OR1B1: variants seen among roughly 807,000 people sequenced by gnomAD.
The protein encoded by OR1B1 is olfactory receptor family 1 subfamily B member 1.
For missense variants in OR1B1, 414 were observed against 402.1 expected, an observed-to-expected ratio of 1.03 and a Z score of -0.25; for synonymous variants, 168 against 156.2, an observed-to-expected ratio of 1.08 and a Z score of -0.57.
At chr9:122,635,900 T>TATC in the OR1B1 span, among the ~76,000 whole-genome samples, 9 of 152,316 alleles carry the variant, frequency 5.9e-5, no homozygotes, top group Admixed American at 1.3e-4. Context: ...ACAAAAGATT[T>TATC]ATCAGCAACA....
chr9:122,637,216 T>C, the OR1B1 span: 2 of 152,196 alleles, frequency 1.3e-5, no homozygotes, highest in Non-Finnish European at 2.9e-5. Context: ...CAGTGTTGAT[T>C]TGAAGAAGGG....
At chr9:122,644,541 C>G in the OR1B1 span, among the ~76,000 whole-genome samples, 1 of 152,190 alleles carries the variant, frequency 6.6e-6, no homozygotes, top group Non-Finnish European at 1.5e-5. Flanking sequence ...ACTTGTCACC[C>G]TGAAGGGAAG....
upstream of OR1B1, among the ~76,000 whole-genome samples, chr9:122,630,069 A>G (rs1172422477): frequency 1.3e-5 from 2 of 152,218 alleles, no homozygotes; most frequent in African/African-American, 4.8e-5. Flanking sequence ...GGTCTGGAAC[A>G]AGACAAGGAT....
upstream of OR1B1, among the ~76,000 whole-genome samples, chr9:122,633,564 T>A (rs150155108): frequency 6.6e-6 from 1 of 152,174 alleles, no homozygotes; most frequent in African/African-American, 2.4e-5. Flanking sequence ...GATAAGGGGT[T>A]AATATTCAAA....
At chr9:122,646,276 G>GA in the OR1B1 span, among the ~76,000 whole-genome samples, 2 of 151,294 alleles carry the variant, frequency 1.3e-5, no homozygotes, top group African/African-American at 2.4e-5. Flanking sequence ...AAGAAGGAAG[G>GA]AAAAAAAGAA....
At chr9:122,638,830 T>C in the OR1B1 span, among the ~76,000 whole-genome samples, 1 of 152,152 alleles carries the variant, frequency 6.6e-6, no homozygotes, top group South Asian at 2.1e-4. Context: ...TTGTGCTGAT[T>C]GAAGGGATCT....
At chr9:122,647,697 T>G in the OR1B1 span, among the ~76,000 whole-genome samples, 1 of 152,226 alleles carries the variant, frequency 6.6e-6, no homozygotes, top group Admixed American at 6.5e-5. Context: ...TTTCAGCTGT[T>G]GCTACGATGC....
At chr9:122,631,825 G>T (rs897538284), upstream of OR1B1, among the ~76,000 whole-genome samples, 2 of 152,040 alleles carry the variant, frequency 1.3e-5, no homozygotes, top group Non-Finnish European at 2.9e-5. Context: ...ACCCACACAG[G>T]GTATGTGAGA....
chr9:122,645,185 C>G, the OR1B1 span, among the ~76,000 whole-genome samples: 2 of 151,632 alleles, frequency 1.3e-5, no homozygotes, highest in African/African-American at 4.9e-5. Context: ...CAGAACTGAT[C>G]AAGCAGAACA....
At chr9:122,644,079 G>T in the OR1B1 span, among the ~76,000 whole-genome samples, 691 of 152,200 alleles carry the variant, frequency 4.5e-3, 6 homozygotes, top group African/African-American at 0.016. Context: ...AAATCAGAGG[G>T]GAAAAGTAAA....
upstream of OR1B1, among the ~76,000 whole-genome samples, chr9:122,633,732 C>G (rs1192766457): frequency 6.6e-6 from 1 of 151,788 alleles, no homozygotes; most frequent in East Asian, 1.9e-4. Context: ...GAGTTTGAGA[C>G]CAGCCTGGCC....
At chr9:122,633,938 G>GT (rs1830229680), upstream of OR1B1, among the ~76,000 whole-genome samples, 1 of 149,288 alleles carries the variant, frequency 6.7e-6, no homozygotes. Flanking sequence ...CAAAAAAAGG[G>GT]TGGGGTGGGG....
At chr9:122,642,595 G>A in the OR1B1 span, among the ~76,000 whole-genome samples, 1 of 152,196 alleles carries the variant, frequency 6.6e-6, no homozygotes, top group Admixed American at 6.5e-5. Flanking sequence ...CTCAAGGGAA[G>A]GTACTTTTAA....
At chr9:122,645,005 T>C in the OR1B1 span, among the ~76,000 whole-genome samples, 4 of 152,148 alleles carry the variant, frequency 2.6e-5, no homozygotes, top group Non-Finnish European at 4.4e-5. Flanking sequence ...GAATTCAAAA[T>C]AGCTGTTTTG....
At chr9:122,634,640 C>T in the OR1B1 span, among the ~76,000 whole-genome samples, 1 of 152,130 alleles carries the variant, frequency 6.6e-6, no homozygotes, top group Non-Finnish European at 1.5e-5. Context: ...TCACCTCCCA[C>T]CAGGTCCCTC....
At chr9:122,638,144 T>C in the OR1B1 span, among the ~76,000 whole-genome samples, 4 of 152,190 alleles carry the variant, frequency 2.6e-5, no homozygotes, top group African/African-American at 9.7e-5. Flanking sequence ...TTATAAAACA[T>C]ACATAGTGAA....
At chr9:122,650,425 TATATA>T in the OR1B1 span, among the ~76,000 whole-genome samples, 1,946 of 150,860 alleles carry the variant, frequency 0.013, 20 homozygotes, top group Non-Finnish European at 0.02. Context: ...AAAAAATATA[TATATA>T]ATATATTTAT....
the OR1B1 span, among the ~76,000 whole-genome samples, chr9:122,650,894 G>A: frequency 2.0e-5 from 3 of 151,930 alleles, no homozygotes; most frequent in East Asian, 1.9e-4. Flanking sequence ...GCATGGTGGC[G>A]GGCCCCTGTA....
At chr9:122,630,126 C>T (rs914638752), upstream of OR1B1, among the ~76,000 whole-genome samples, 2 of 152,086 alleles carry the variant, frequency 1.3e-5, no homozygotes, top group African/African-American at 4.8e-5. Context: ...AAGTTCTAGC[C>T]AGAGCAATTA....
Sources: gnomAD v4.1 joint callset for allele counts (sites outside exome capture counted in the v4.1 genomes callset) on GRCh38, gnomAD v4.1.1 for gene constraint, MANE v1.5 for transcripts, NCBI Gene and HGNC (gene_info 2026-07-23, HGNC 2026-07-21) for gene names.